The following CRELD1 variants were observed in gnomAD, a reference collection of about 807,000 sequenced individuals.
CRELD1 encodes the protein CRELD disulfide isomerase 1.
Under a neutral mutation model 58.2 loss-of-function variants are expected in CRELD1, and 42 were observed. The ratio of observed to expected loss-of-function variants is 0.72; its 90% confidence interval spans 0.56 to 0.93. The LOEUF (loss-of-function observed/expected upper bound fraction) is 0.93. CRELD1 is among the 40% of genes least tolerant of loss of function. The pLI, the probability that CRELD1 is intolerant of heterozygous loss-of-function variation, is 0.00. For synonymous variants in CRELD1, 222 were observed against 202.0 expected (o/e 1.10, Z -0.84); for missense variants, 500 against 540.6 (o/e 0.92, Z 0.74).
intron 1 of CRELD1, 25 bp downstream of exon 1, chr3:9,933,945 G>A: frequency 5.6e-6 from 2 of 357,526 alleles, no homozygotes; most frequent in Admixed American, 4.6e-5. Flanking sequence ...CTGCCGGCTC[G>A]TGGGCCGTGC....
chr3:9,934,651 G>T, intron 2 of CRELD1, 39 bp downstream of exon 2: 2 of 1,603,146 alleles, frequency 1.2e-6, no homozygotes, highest in South Asian at 1.1e-5. Flanking sequence ...GGAACACAGC[G>T]ATTTAGAGTG....
chr3:9,943,597 C>A (rs1232141830), intron 10 of CRELD1, 82 bp downstream of exon 10: 1 of 1,604,488 alleles, frequency 6.2e-7, no homozygotes, highest in Non-Finnish European at 8.5e-7. Context: ...AGTGGCAGCT[C>A]CAGGCCCTGC....
In CRELD1 at chr3:9,945,203, A is replaced by G. The variant is rs961467841; in HGVS notation, c.*624A>G. 2 of 162,054 alleles carry G rather than the reference A, an allele frequency of 1.2e-5. No individual in the cohort carries two copies. The highest frequency in any genetic ancestry group is 4.8e-5 in the African/African-American group (2 of 41,520). 10.0% of individuals were successfully genotyped at this position (162,054 alleles called of 1,614,324 possible). On this transcript the variant is annotated 3_prime_UTR_variant, in exon 11 of 11. Transcript: ENST00000452070. ...GAGGAATCAGCCTTAGGAGGGTTCC[A>G]TGCCAGCTGTCATTTGGCAAAGGAC...
intron 5 of CRELD1, 32 bp downstream of exon 5, chr3:9,938,138 G>A (rs764703613): frequency 1.3e-6 from 2 of 1,514,138 alleles, no homozygotes; most frequent in East Asian, 4.5e-5. Context: ...GGGGATGGGA[G>A]GGGACCACCG....
Position 9,942,900 on chromosome 3 carries a change from A to G in CRELD1, c.817+4A>G, listed in dbSNP as rs758924488. ...GAGGGCTCCTATGAGTGCCGAGGTC[A>G]GTGTCTACTTCTGCAGAGGAGGGGA... On this transcript the variant is annotated splice_donor_region_variant and intron_variant, in intron 8 of 10. Transcript: ENST00000452070. 6.2e-7 allele frequency: 1 copy of G among 1,613,182 alleles called. No homozygotes were observed. The highest frequency in any genetic ancestry group is 2.2e-5 in the East Asian group (1 of 44,880).
chr3:9,944,075 C>G lies in CRELD1; in HGVS notation c.1049-290C>G, dbSNP rs753153392. On this transcript the variant is annotated intron_variant, in intron 10 of 10. Coordinates refer to ENST00000452070, the MANE Select transcript of CRELD1 (RefSeq NM_001077415.3). ...GGGATCCCAATCCAGACAGTCTGACCGTGGAACGAGACTCATACACGTAAT... is the reference window on the plus strand; with the variant it reads ...GGGATCCCAATCCAGACAGTCTGACGGTGGAACGAGACTCATACACGTAAT... 5.0e-6 allele frequency: 4 copies of G among 798,896 alleles called. No individual in the cohort carries two copies. In the African/African-American group the frequency reaches 6.7e-5, roughly 13 times the overall value. 49.5% of individuals were successfully genotyped at this position (798,896 alleles called of 1,614,324 possible). A position where few individuals can be genotyped will look rare whatever the true frequency, so the allele number is the denominator to read the frequency against.
At chr3:9,943,587 A>C (rs568291553) in intron 10 of CRELD1, 72 bp downstream of exon 10, 114 of 1,609,432 alleles carry the variant, frequency 7.1e-5, no homozygotes, top group Admixed American at 6.7e-5. Context: ...CCCAGGTAGC[A>C]GTGGCAGCTC....
intron 7 of CRELD1, among the ~76,000 whole-genome samples, chr3:9,941,542 G>A (rs2085366075): frequency 6.6e-6 from 1 of 152,178 alleles, no homozygotes; most frequent in African/African-American, 2.4e-5. Context: ...TGTAATCCCA[G>A]CACTTTGGGA....
At chr3:9,943,924 T>C in intron 10 of CRELD1, 1 of 1,556,418 alleles carries the variant, frequency 6.4e-7, no homozygotes, top group Non-Finnish European at 8.9e-7. Context: ...TCTTAACTGA[T>C]TTAACCCCTG....
At chr3:9,938,180 A>G in intron 5 of CRELD1, 74 bp downstream of exon 5, 3 of 1,190,448 alleles carry the variant, frequency 2.5e-6, no homozygotes, top group Non-Finnish European at 3.7e-6. Flanking sequence ...CTCTGTCCCT[A>G]GTTCGCTGTG....
intron 5 of CRELD1, among the ~76,000 whole-genome samples, chr3:9,939,629 C>G (rs888245398): frequency 6.6e-6 from 1 of 152,216 alleles, no homozygotes; most frequent in Admixed American, 6.5e-5. Flanking sequence ...GCACATGTTT[C>G]AGAGAGCACA....
chr3:9,937,139 A>C (rs771221805), intron 3 of CRELD1, among the ~76,000 whole-genome samples: 1 of 152,194 alleles, frequency 6.6e-6, no homozygotes, highest in Non-Finnish European at 1.5e-5. Context: ...GCTTTTCCAC[A>C]GTGGTGATGC....
At position 9,944,594 on chromosome 3, in the gene CRELD1, T is replaced by G; in HGVS notation, c.*15T>G. The stretch of plus-strand genomic sequence containing the variant: ...AGGGCAGATAATCGCGGCCACCACC[T>G]GTAGGACCTCCTCCCACCCACGCTG... On this transcript the variant is annotated 3_prime_UTR_variant, in exon 11 of 11. Coordinates refer to ENST00000452070, the MANE Select transcript of CRELD1 (RefSeq NM_001077415.3). 1.9e-6 allele frequency: 3 copies of G among 1,587,678 alleles called. No homozygotes were observed. Among genetic ancestry groups the G allele is most frequent in the Non-Finnish European group, 2.6e-6 (3 of 1,172,734 alleles).
At position 9,943,989 on chromosome 3, in the gene CRELD1, T is replaced by C. The variant is rs73118372; in HGVS notation, c.1049-376T>C. On this transcript the variant is annotated intron_variant, in intron 10 of 10. Coordinates refer to ENST00000452070, the MANE Select transcript of CRELD1 (RefSeq NM_001077415.3). ...CATCCCCACTCTACATATGTAAAAATGAAGATGCAGAGAGATGAAGCTACT... is the reference window on the plus strand; with the variant it reads ...CATCCCCACTCTACATATGTAAAAACGAAGATGCAGAGAGATGAAGCTACT... 0.021 allele frequency: 21,752 copies of C among 1,036,400 alleles called. 1,683 individuals are homozygous for C. In the African/African-American group the frequency reaches 0.22, roughly 10 times the overall value. The allele number at this position is 1,036,400 out of a possible 1,614,324, so 64.2% of individuals were successfully genotyped here. A position where few individuals can be genotyped will look rare whatever the true frequency, so the allele number is the denominator to read the frequency against.
Position 9,944,519 on chromosome 3 carries a change from T to C in CRELD1, c.1203T>C (p.Thr401=). 1 of 1,612,430 alleles carries C rather than the reference T, an allele frequency of 6.2e-7. No homozygotes were observed. The highest frequency in any genetic ancestry group is 8.5e-7 in the Non-Finnish European group (1 of 1,180,016). The change falls in exon 11 of 11, where the codon ACT becomes ACC. Residue 401 remains threonine (T), a synonymous_variant. Transcript: ENST00000452070. Reference sequence around the variant, plus strand: ...TCATTGGGGCTGTGGCGGCCATGACTGGCTACTGGTTGTCAGAGCGCAGTG... The same window carrying C: ...TCATTGGGGCTGTGGCGGCCATGACCGGCTACTGGTTGTCAGAGCGCAGTG... The part of the protein sequence containing the change: ...AIFIGAVAAM[T]GYWLSERSDR...
intron 7 of CRELD1, 71 bp from the exon 8 acceptor site, chr3:9,942,742 C>A: frequency 8.2e-7 from 1 of 1,218,890 alleles, no homozygotes; most frequent in Non-Finnish European, 1.2e-6. Flanking sequence ...AAGACCATTC[C>A]CCAACGGCTC....
intron 5 of CRELD1, among the ~76,000 whole-genome samples, chr3:9,939,212 A>G (rs962021846): frequency 1.3e-5 from 2 of 152,178 alleles, no homozygotes; most frequent in Non-Finnish European, 2.9e-5. Flanking sequence ...TAATTGTTCC[A>G]CAAGAGGAAA....
chr3:9,941,061 C>A, intron 6 of CRELD1, 35 bp downstream of exon 6: 2 of 1,614,084 alleles, frequency 1.2e-6, no homozygotes, highest in South Asian at 1.1e-5. Context: ...TGGGCAGGGG[C>A]AGATGGGGCA....
rs1352775498 is a variant in CRELD1, at chr3:9,934,404, C to T, written c.-19-16C>T. ...TGACTCCTTCAGTGAAGCCTCTCCA[C>T]GCCCTCTATCTGCAGGTCCCCAGCC... On this transcript the variant is annotated splice_polypyrimidine_tract_variant and intron_variant, in intron 1 of 10. Transcript: ENST00000452070. 1.9e-6 allele frequency: 3 copies of T among 1,594,868 alleles called. No individual in the cohort carries two copies. The highest frequency in any genetic ancestry group is 2.2e-5 in the East Asian group (1 of 44,804).
Sources: allele counts gnomAD v4.1 joint callset (sites outside exome capture counted in the v4.1 genomes callset), GRCh38; gene constraint gnomAD v4.1.1; transcripts MANE v1.5; gene names NCBI Gene and HGNC (gene_info 2026-07-23, HGNC 2026-07-21).